TIMD4: variants seen among roughly 807,000 people sequenced by gnomAD.
TIMD4 encodes the protein T-cell immunoglobulin and mucin domain-containing protein 4.
TIMD4 carries 31 observed loss-of-function variants against 41.2 expected under a neutral mutation model. The ratio of observed to expected loss-of-function variants is 0.75; its 90% CI spans 0.57 to 1.01. The LOEUF (loss-of-function observed/expected upper bound fraction) is 1.01, where lower values mean the gene tolerates loss of function less well. Among genes scored for constraint, TIMD4 ranks in the 50% least tolerant of loss-of-function variants. The probability of loss-of-function intolerance (pLI) is 0.00; values close to 1 mark genes in which losing one functional copy is unlikely to be tolerated. For missense variants in TIMD4, 479 were observed against 472.5 expected, an observed-to-expected ratio of 1.01 and a Z score of -0.13; for synonymous variants, 204 against 177.1, an observed-to-expected ratio of 1.15 and a Z score of -1.21.
At chr5:156,930,403 G>A (rs1759426126) in intron 5 of TIMD4, among the ~76,000 whole-genome samples, 1 of 152,228 alleles carries the variant, frequency 6.6e-6, no homozygotes, top group Non-Finnish European at 1.5e-5. Context: ...GATTTGAACT[G>A]TTTGACTGAC....
At chr5:156,936,571 C>T (rs1759543037) in intron 5 of TIMD4, among the ~76,000 whole-genome samples, 1 of 152,100 alleles carries the variant, frequency 6.6e-6, no homozygotes, top group African/African-American at 2.4e-5. Context: ...AAAGCCCAAA[C>T]TCCTATCCTC....
chr5:156,922,015 G>C, intron 7 of TIMD4, 84 bp downstream of exon 7: 1 of 1,053,520 alleles, frequency 9.5e-7, no homozygotes, highest in East Asian at 2.5e-5. Flanking sequence ...GAGGGATAAA[G>C]GGGAAGGAAG....
chr5:156,922,230 G>A lies in TIMD4; in HGVS notation c.895-14C>T. On this transcript the variant is annotated splice_polypyrimidine_tract_variant and intron_variant, in intron 6 of 8. Coordinates refer to ENST00000274532, the MANE Select transcript of TIMD4 (RefSeq NM_138379.3). ...TATTCCATCCATCTGATGGGACACA[G>A]GCAAGGAGATGGACCCAGTCACTGC... is the stretch of plus-strand genomic sequence containing the variant. 1 of 1,601,174 alleles carries A rather than the reference G, an allele frequency of 6.2e-7. No individual in the cohort carries two copies. The highest frequency in any genetic ancestry group is 8.6e-7 in the Non-Finnish European group (1 of 1,168,518).
chr5:156,933,733 T>G (rs1185613681), intron 5 of TIMD4, among the ~76,000 whole-genome samples: 1 of 152,026 alleles, frequency 6.6e-6, no homozygotes, highest in Admixed American at 6.6e-5. Flanking sequence ...TTTGTATTTT[T>G]GGTAGAAATA....
At chr5:156,923,639 A>G (rs1364374221) in intron 6 of TIMD4, among the ~76,000 whole-genome samples, 1 of 151,868 alleles carries the variant, frequency 6.6e-6, no homozygotes, top group Non-Finnish European at 1.5e-5. Context: ...CCCGGGTTCA[A>G]GCAATCCTCC....
rs1049340090 is a variant in TIMD4 at position 156,921,977 on chromosome 5, A to T, written c.1012+122T>A. On this transcript the variant is annotated intron_variant, in intron 7 of 8. Transcript: ENST00000274532. The stretch of plus-strand genomic sequence containing the variant: ...CTGTTACTTCCCTGGCTGGGATGGG[A>T]ACAATGGCAGAACTGAGCCTCTTTG... 4 of 698,742 alleles carry T rather than the reference A, an allele frequency of 5.7e-6. No homozygotes were observed. In the African/African-American group the frequency reaches 7.3e-5, roughly 13 times the overall value. The allele number at this position is 698,742 out of a possible 1,614,324, so 43.3% of individuals were successfully genotyped here.
At chr5:156,926,352 T>A (rs369071751) in intron 5 of TIMD4, 40 bp from the exon 6 acceptor site, 16 of 1,606,556 alleles carry the variant, frequency 1.0e-5, no homozygotes, top group Non-Finnish European at 1.4e-5. Context: ...TATGTCTGGT[T>A]GGGGAATAAA....
intron 6 of TIMD4, among the ~76,000 whole-genome samples, chr5:156,923,860 CAGGGTCT>C (rs1759298180): frequency 6.6e-6 from 1 of 151,892 alleles, no homozygotes; most frequent in African/African-American, 2.4e-5. Flanking sequence ...TTGTTTGAGA[CAGGGTCT>C]CTCTCTGTTG....
chr5:156,955,655 CAA>C (rs532149661), intron 1 of TIMD4, among the ~76,000 whole-genome samples: 1 of 126,298 alleles, frequency 7.9e-6, no homozygotes. Context: ...GACTCCATCT[CAA>C]AAAAAAAAAA....
intron 1 of TIMD4, among the ~76,000 whole-genome samples, chr5:156,956,886 G>A (rs1759981117): frequency 6.6e-6 from 1 of 152,152 alleles, no homozygotes; most frequent in African/African-American, 2.4e-5. Flanking sequence ...AGTTATAGAA[G>A]GCATGGCCAG....
At chr5:156,943,355 T>C (rs1759680116) in intron 5 of TIMD4, among the ~76,000 whole-genome samples, 1 of 152,170 alleles carries the variant, frequency 6.6e-6, no homozygotes, top group Admixed American at 6.5e-5. Flanking sequence ...CCATTTTACA[T>C]TTTGAGGAAA....
chr5:156,932,061 A>G (rs551095970), intron 5 of TIMD4, among the ~76,000 whole-genome samples: 1 of 152,350 alleles, frequency 6.6e-6, no homozygotes, highest in East Asian at 1.9e-4. Context: ...AAATACATAC[A>G]GAAATACAAT....
chr5:156,935,171 T>C (rs1309888791), intron 5 of TIMD4, among the ~76,000 whole-genome samples: 1 of 150,514 alleles, frequency 6.6e-6, no homozygotes, highest in African/African-American at 2.4e-5. Context: ...TGAAATTGTC[T>C]CCTCCAATTT....
In TIMD4 at chr5:156,954,512, G is replaced by T. The variant is rs1237100647; in HGVS notation, c.303C>A (p.Asn101Lys). ...PRGDVSLTIL[N>K]PSESDSGVYC... is the part of the protein sequence containing the mutation. ...ACACACCGCTGTCACTTTCACTGGG[G>T]TTTAAGATGGTCAAGGAGACATCAC... Residue 101 changes from asparagine to lysine, a missense_variant, in exon 2 of 9, where the codon AAC becomes AAA. Physicochemically the swap from Asn to Lys is moderately conservative, Grantham distance 94 (BLOSUM62 0). Coordinates refer to ENST00000274532, the MANE Select transcript of TIMD4 (RefSeq NM_138379.3). The T allele has an allele frequency of 6.2e-6, 10 of 1,614,098 alleles. No individual in the cohort carries two copies. The highest frequency in any genetic ancestry group is 1.6e-4 in the Middle Eastern group (1 of 6,084).
chr5:156,941,634 T>A (rs762074068), intron 5 of TIMD4, among the ~76,000 whole-genome samples: 2 of 152,208 alleles, frequency 1.3e-5, no homozygotes, highest in Non-Finnish European at 2.9e-5. Flanking sequence ...ACCTCTTCCA[T>A]CTTTGGGCCC....
intron 1 of TIMD4, among the ~76,000 whole-genome samples, chr5:156,955,024 C>G (rs189983448): frequency 6.6e-6 from 1 of 151,982 alleles, no homozygotes; most frequent in Non-Finnish European, 1.5e-5. Context: ...ACCACAGGTG[C>G]GTGGCAGCAT....
At chr5:156,932,740 C>T (rs969590673) in intron 5 of TIMD4, among the ~76,000 whole-genome samples, 1 of 152,248 alleles carries the variant, frequency 6.6e-6, no homozygotes, top group Non-Finnish European at 1.5e-5. Context: ...AATGCAGTGA[C>T]TCACGCCTGT....
chr5:156,923,758 C>G (rs1759296333), intron 6 of TIMD4, among the ~76,000 whole-genome samples: 1 of 151,198 alleles, frequency 6.6e-6, no homozygotes, highest in Non-Finnish European at 1.5e-5. Flanking sequence ...TTTGCCCAGG[C>G]TGGTCTTGAA....
In TIMD4 at chr5:156,954,604, T is replaced by C; in HGVS notation, c.211A>G (p.Thr71Ala). ...CTTGAGGTCACCCTCATTCCATCAG[T>C]GCGGATGAGCGCCTCCTTGCAACCG... ...YSGCKEALIR[T>A]DGMRVTSRKS... Residue 71 changes from threonine (T) to alanine (A), a missense_variant, in exon 2 of 9, where the codon ACT becomes GCT. Coordinates refer to ENST00000274532, the MANE Select transcript of TIMD4 (RefSeq NM_138379.3). The C allele has an allele frequency of 3.1e-6, 5 of 1,614,082 alleles. No individual in the cohort carries two copies. The highest frequency in any genetic ancestry group is 4.2e-6 in the Non-Finnish European group (5 of 1,179,896).
Sources: allele counts gnomAD v4.1 joint callset (sites outside exome capture counted in the v4.1 genomes callset), GRCh38; gene constraint gnomAD v4.1.1; transcripts MANE v1.5; gene names NCBI Gene and HGNC (gene_info 2026-07-23, HGNC 2026-07-21).